ATP9B: variants seen among roughly 807,000 people sequenced by gnomAD.
ATP9B encodes the protein probable phospholipid-transporting ATPase IIB.
ATP9B carries 110 observed loss-of-function variants against 146.1 expected under a neutral mutation model. The ratio of observed to expected loss-of-function variants is 0.75; its 90% confidence interval spans 0.65 to 0.88. ATP9B has a LOEUF of 0.88. Ranked by LOEUF, ATP9B falls within the 40% of genes least tolerant of loss-of-function variation. The pLI is 0.00. For synonymous variants in ATP9B, 604 were observed against 569.7 expected, an observed-to-expected ratio of 1.06 and a Z score of -0.86; for missense variants, 1,499 against 1,496.4, an observed-to-expected ratio of 1.00 and a Z score of -0.03.
intron 26 of ATP9B, among the ~76,000 whole-genome samples, chr18:79,370,881 T>G (rs1425874085): frequency 6.6e-6 from 1 of 152,226 alleles, no homozygotes; most frequent in Non-Finnish European, 1.5e-5. Flanking sequence ...CTTTTCTTTC[T>G]TATGTCAAAA....
chr18:79,363,506 A>T (rs34985823), intron 26 of ATP9B: 2 of 151,056 alleles, frequency 1.3e-5, no homozygotes, highest in African/African-American at 2.5e-5. Flanking sequence ...AGGCATAAAC[A>T]GATGTTCATG....
At chr18:79,292,117 A>T (rs2096509981) in intron 13 of ATP9B, among the ~76,000 whole-genome samples, 1 of 152,164 alleles carries the variant, frequency 6.6e-6, no homozygotes, top group Non-Finnish European at 1.5e-5. Flanking sequence ...GATACACCAC[A>T]CTTTATTTAT....
intron 7 of ATP9B, among the ~76,000 whole-genome samples, chr18:79,160,595 A>G (rs1000745753): frequency 6.6e-6 from 1 of 152,226 alleles, no homozygotes; most frequent in African/African-American, 2.4e-5. Flanking sequence ...AAAAGATTAT[A>G]TAGATTGTGT....
At chr18:79,213,297 C>G (rs758118944) in intron 10 of ATP9B, among the ~76,000 whole-genome samples, 13 of 152,028 alleles carry the variant, frequency 8.6e-5, no homozygotes, top group Admixed American at 2.0e-4. Flanking sequence ...TACTGACATT[C>G]TAGAGATAAG....
chr18:79,071,399 CTTTTT>C (rs56119715), intron 1 of ATP9B, among the ~76,000 whole-genome samples: 2 of 69,268 alleles, frequency 2.9e-5, no homozygotes, highest in Non-Finnish European at 5.5e-5. Context: ...ATTGTTCTTC[CTTTTT>C]TTTTTTTTTG....
chr18:79,297,633 G>A (rs1235023157), intron 13 of ATP9B, among the ~76,000 whole-genome samples: 1 of 152,238 alleles, frequency 6.6e-6, no homozygotes, highest in Non-Finnish European at 1.5e-5. Context: ...ATATTTAGAT[G>A]TAGGGGTTTG....
chr18:79,203,860 C>T (rs1178497704), intron 9 of ATP9B, among the ~76,000 whole-genome samples: 1 of 152,146 alleles, frequency 6.6e-6, no homozygotes, highest in Non-Finnish European at 1.5e-5. Context: ...TTTGTTTCTT[C>T]AACAGTGTTA....
At chr18:79,079,124 A>C (rs1182164295) in intron 1 of ATP9B, among the ~76,000 whole-genome samples, 1 of 152,152 alleles carries the variant, frequency 6.6e-6, no homozygotes, top group African/African-American at 2.4e-5. Context: ...GTAAACATAC[A>C]TGTGCATGTG....
intron 7 of ATP9B, among the ~76,000 whole-genome samples, chr18:79,163,913 G>T (rs1367140963): frequency 7.6e-6 from 1 of 132,084 alleles, no homozygotes; most frequent in Non-Finnish European, 1.6e-5. Context: ...CACAGGGGGA[G>T]ACAGAGACAG....
intron 7 of ATP9B, among the ~76,000 whole-genome samples, chr18:79,160,918 C>T (rs930179692): frequency 2.0e-5 from 3 of 152,118 alleles, no homozygotes; most frequent in Non-Finnish European, 2.9e-5. Context: ...ACTCCAGGCA[C>T]GCCACCACTC....
chr18:79,139,494 T>C (rs1209269800), intron 5 of ATP9B, among the ~76,000 whole-genome samples: 1 of 152,240 alleles, frequency 6.6e-6, no homozygotes, highest in Non-Finnish European at 1.5e-5. Flanking sequence ...ATCATCTTGT[T>C]TTCCCCAAAG....
chr18:79,079,199 A>T (rs1037863408), intron 1 of ATP9B, among the ~76,000 whole-genome samples: 3 of 152,172 alleles, frequency 2.0e-5, no homozygotes, highest in African/African-American at 7.2e-5. Flanking sequence ...GCTGGGTCAG[A>T]GGGTATTTCT....
At chr18:79,149,010 A>G (rs1443756393) in intron 6 of ATP9B, among the ~76,000 whole-genome samples, 3 of 146,730 alleles carry the variant, frequency 2.0e-5, no homozygotes, top group African/African-American at 8.2e-5. Flanking sequence ...CAATGTGTTG[A>G]TAAAAGTAAT....
Position 79,195,777 on chromosome 18 carries a change from T to C in ATP9B, c.954+2514T>C, listed in dbSNP as rs185417473. On this transcript the variant is annotated intron_variant, in intron 9 of 29. Transcript: ENST00000426216. ...CCTGTGGGGGATGCACAGTAAGAGA[T>C]AGGGAGGTTGTAAAGAAGAGAGTCA... Among the ~76,000 whole-genome samples the C allele has an allele frequency of 2.8e-3, 421 of 151,926 alleles. 1 individual carries two copies. The highest frequency in any genetic ancestry group is 9.8e-3 in the African/African-American group (405 of 41,410).
intron 1 of ATP9B, among the ~76,000 whole-genome samples, chr18:79,092,476 C>A (rs2074407302): frequency 1.3e-5 from 2 of 151,972 alleles, no homozygotes; most frequent in South Asian, 2.1e-4. Context: ...CTTACTGGAA[C>A]TTTTTTACTT....
chr18:79,239,530 T>C lies in ATP9B; in HGVS notation c.1108-13851T>C, dbSNP rs2095870573. Among the ~76,000 whole-genome samples, 1 of 152,078 alleles carries C rather than the reference T, an allele frequency of 6.6e-6. No individual in the cohort carries two copies. The highest frequency in any genetic ancestry group is 6.5e-5 in the Admixed American group (1 of 15,286). ...GGTGTCACGGCACTTAAAATTGTCT[T>C]CAGAGGATGATTTCCTTCAACCTGG... is the stretch of plus-strand genomic sequence containing the variant. On this transcript the variant is annotated intron_variant, in intron 11 of 29. Transcript: ENST00000426216. The surrounding 1 kb of genome is among the most constrained non-coding windows in gnomAD (Gnocchi z 5.1).
chr18:79,207,146 T>C, intron 10 of ATP9B, 134 bp downstream of exon 10: 1 of 785,578 alleles, frequency 1.3e-6, no homozygotes, highest in Non-Finnish European at 2.1e-6. Context: ...AGACTCCAGC[T>C]CAGTGGGTCT....
intron 26 of ATP9B, among the ~76,000 whole-genome samples, chr18:79,368,798 A>G (rs2147957405): frequency 6.6e-6 from 1 of 151,968 alleles, no homozygotes; most frequent in South Asian, 2.1e-4. Flanking sequence ...GGACCCTACC[A>G]CCAGCATACT....
At chr18:79,315,040 T>C (rs1043816615) in intron 15 of ATP9B, among the ~76,000 whole-genome samples, 1 of 152,256 alleles carries the variant, frequency 6.6e-6, no homozygotes, top group Non-Finnish European at 1.5e-5. Context: ...AGTAGTCTCA[T>C]TCTTTTCCCT....
Sources: allele counts gnomAD v4.1 joint callset (sites outside exome capture counted in the v4.1 genomes callset), GRCh38; gene constraint gnomAD v4.1.1; non-coding constraint Gnocchi (gnomAD v3.1); transcripts MANE v1.5; gene names NCBI Gene and HGNC (gene_info 2026-07-23, HGNC 2026-07-21).